RCAN3: variants seen among roughly 807,000 people sequenced by gnomAD.
RCAN3 encodes regulator of calcineurin 3.
Under a neutral mutation model 21.9 loss-of-function variants are expected in RCAN3, and 19 were observed. The observed-to-expected ratio is 0.87, with a 90% CI of 0.61 to 1.27. The LOEUF (loss-of-function observed/expected upper bound fraction) is 1.27, where lower values mean the gene tolerates loss of function less well. RCAN3 is among the 50% of genes most tolerant of loss of function. The pLI is 0.00. For synonymous variants in RCAN3, 114 were observed against 112.3 expected, an observed-to-expected ratio of 1.01 and a Z score of -0.09; for missense variants, 240 against 300.1, an observed-to-expected ratio of 0.80 and a Z score of 1.48.
At chr1:24,507,853 TC>T (rs1357386486) in intron 1 of RCAN3, 3 of 152,308 alleles carry the variant, frequency 2.0e-5, no homozygotes, top group African/African-American at 7.2e-5. Flanking sequence ...GACGGGGGGA[TC>T]ACCTGACGTC....
At chr1:24,532,425 C>T (rs2148912492) in intron 3 of RCAN3, among the ~76,000 whole-genome samples, 1 of 151,724 alleles carries the variant, frequency 6.6e-6, no homozygotes, top group South Asian at 2.1e-4. Context: ...TAGAGTTTCA[C>T]CATGTTGGCC....
At chr1:24,510,596 CTT>C (rs1647795720) in intron 1 of RCAN3, among the ~76,000 whole-genome samples, 1 of 152,208 alleles carries the variant, frequency 6.6e-6, no homozygotes, top group Non-Finnish European at 1.5e-5. Context: ...CTGGATTAGA[CTT>C]TGGTTTAAGG....
chr1:24,534,859 C>T (rs1650098258), intron 4 of RCAN3, among the ~76,000 whole-genome samples: 1 of 152,136 alleles, frequency 6.6e-6, no homozygotes, highest in South Asian at 2.1e-4. Flanking sequence ...CAATAATTAG[C>T]ATTTGCATTT....
rs1006312074 is a variant in RCAN3 at position 24,536,552 on chromosome 1, G to C, written c.*1275G>C. On this transcript the variant is annotated 3_prime_UTR_variant, in exon 5 of 5. Transcript: ENST00000374395. ...GTAGAAAAGTCTCATAACTGAGAAG[G>C]CTCTGTTTTGGGCCGGGTGGGTCTG... 1 of 152,194 alleles carries C rather than the reference G, an allele frequency of 6.6e-6. No homozygotes were observed. The highest frequency in any genetic ancestry group is 2.4e-5 in the African/African-American group (1 of 41,432). The allele number at this position is 152,194 out of a possible 1,614,324, so 9.4% of individuals were successfully genotyped here.
intron 1 of RCAN3, among the ~76,000 whole-genome samples, chr1:24,513,934 T>G (rs1483762277): frequency 6.6e-6 from 1 of 152,230 alleles, no homozygotes; most frequent in African/African-American, 2.4e-5. Context: ...GTTACAGTGT[T>G]GTAGATGGAA....
At position 24,535,507 on chromosome 1, in the gene RCAN3, C is replaced by T. The variant is rs781601636; in HGVS notation, c.*230C>T. The T allele has an allele frequency of 1.2e-5, 5 of 410,646 alleles. No individual in the cohort carries two copies. Among genetic ancestry groups the T allele is most frequent in the Non-Finnish European group, 2.1e-5 (5 of 240,242 alleles). 25.4% of individuals were successfully genotyped at this position (410,646 alleles called of 1,614,324 possible). On this transcript the variant is annotated 3_prime_UTR_variant, in exon 5 of 5. Transcript: ENST00000374395. ...AAGGGACTTTACATTAAAGGAGAAGCCCCCAAGATGTGGCCACCCTTAACC... is the reference window on the plus strand; with the variant it reads ...AAGGGACTTTACATTAAAGGAGAAGTCCCCAAGATGTGGCCACCCTTAACC...
rs1650443189 is a variant in RCAN3, at chr1:24,540,627, GT to G, written c.*5351del. 6.6e-6 allele frequency: 1 copy of G among 152,072 alleles called. No homozygotes were observed. Among genetic ancestry groups the G allele is most frequent in the Non-Finnish European group, 1.5e-5 (1 of 68,030 alleles). The allele number at this position is 152,072 out of a possible 1,614,324, so 9.4% of individuals were successfully genotyped here. ...GATTGACGGTTCTGCTATAATGTGC[GT>G]GCCCTTCAAGTTTCAGAAAACTTTC... On this transcript the variant is annotated 3_prime_UTR_variant, in exon 5 of 5. Transcript: ENST00000374395.
chr1:24,504,810 A>C (rs898031745), intron 1 of RCAN3, among the ~76,000 whole-genome samples: 2 of 152,240 alleles, frequency 1.3e-5, no homozygotes, highest in African/African-American at 4.8e-5. Flanking sequence ...AAAAGAAATT[A>C]TACACAGCAC....
chr1:24,524,829 T>G (rs1379653901), intron 2 of RCAN3, among the ~76,000 whole-genome samples: 2 of 28,446 alleles, frequency 7.0e-5, no homozygotes, highest in Admixed American at 4.8e-4. Context: ...TTTTCTTTTG[T>G]TTTTTTTTTT....
rs140864251 is a variant in RCAN3, at chr1:24,512,882, T to C, written c.-59-1432T>C. On this transcript the variant is annotated intron_variant, in intron 1 of 4. Transcript: ENST00000374395. ...CTATGAGAGACAGATTCTGTCCTGT[T>C]ATTCCACCCAGGGACACTGTCAGCT... Among the ~76,000 whole-genome samples, 18 of 152,324 alleles carry C rather than the reference T, an allele frequency of 1.2e-4. No individual in the cohort carries two copies. In the East Asian group the frequency reaches 3.5e-3, roughly 29 times the overall value.
rs1268368981 is a variant in RCAN3, at chr1:24,539,317, G to C, written c.*4040G>C. 6.6e-6 allele frequency: 1 copy of C among 151,998 alleles called. No individual in the cohort carries two copies. The highest frequency in any genetic ancestry group is 2.4e-5 in the African/African-American group (1 of 41,388). The allele number at this position is 151,998 out of a possible 1,614,324, so 9.4% of individuals were successfully genotyped here. A position where few individuals can be genotyped will look rare whatever the true frequency, so the allele number is the denominator to read the frequency against. ...ATAAGAAAAATCTCATCATTCGATGGAAGAGGTGACTTAATAATTTTATTA... is the reference window on the plus strand; with the variant it reads ...ATAAGAAAAATCTCATCATTCGATGCAAGAGGTGACTTAATAATTTTATTA... On this transcript the variant is annotated 3_prime_UTR_variant, in exon 5 of 5. Coordinates refer to ENST00000374395, the MANE Select transcript of RCAN3 (RefSeq NM_013441.4).
chr1:24,534,985 A>G, intron 4 of RCAN3, 108 bp from the exon 5 acceptor site: 4 of 1,012,862 alleles, frequency 3.9e-6, no homozygotes, highest in Non-Finnish European at 5.7e-6. Flanking sequence ...TTTAAAGAAC[A>G]AGAATCACCC....
At chr1:24,504,606 G>A (rs563648284) in intron 1 of RCAN3, among the ~76,000 whole-genome samples, 1 of 152,324 alleles carries the variant, frequency 6.6e-6, no homozygotes, top group East Asian at 1.9e-4. Context: ...GATTTTATAT[G>A]GTGTTAGAGT....
chr1:24,510,520 CTT>C (rs1235446825), intron 1 of RCAN3, among the ~76,000 whole-genome samples: 4 of 152,236 alleles, frequency 2.6e-5, no homozygotes, highest in African/African-American at 9.6e-5. Flanking sequence ...TAGCTTCAGA[CTT>C]TTCTTCTTCA....
In RCAN3 at chr1:24,514,332, C is replaced by T. The variant is rs1648121303; in HGVS notation, c.-41C>T. ...TTAACAGTGGGTGCCTGATAGACATCCTAGGACTATACAGAAGGAAAAGGC... is the reference window on the plus strand; with the variant it reads ...TTAACAGTGGGTGCCTGATAGACATTCTAGGACTATACAGAAGGAAAAGGC... On this transcript the variant is annotated 5_prime_UTR_variant, in exon 2 of 5. Coordinates refer to ENST00000374395, the MANE Select transcript of RCAN3 (RefSeq NM_013441.4). 6.4e-7 allele frequency: 1 copy of T among 1,556,410 alleles called. No homozygotes were observed. Among genetic ancestry groups the T allele is most frequent in the South Asian group, 1.2e-5 (1 of 82,044 alleles).
At chr1:24,520,004 A>G (rs924141023) in intron 2 of RCAN3, among the ~76,000 whole-genome samples, 26 of 152,232 alleles carry the variant, frequency 1.7e-4, no homozygotes, top group African/African-American at 5.3e-4. Context: ...AAAGTAAATG[A>G]TATTTGGAAG....
At chr1:24,513,900 T>C (rs1403579386) in intron 1 of RCAN3, among the ~76,000 whole-genome samples, 2 of 152,206 alleles carry the variant, frequency 1.3e-5, no homozygotes, top group African/African-American at 2.4e-5. Flanking sequence ...AGAGAATTAG[T>C]GTGGGTTGTA....
chr1:24,510,673 T>G (rs1647801661), intron 1 of RCAN3, among the ~76,000 whole-genome samples: 1 of 152,246 alleles, frequency 6.6e-6, no homozygotes, highest in African/African-American at 2.4e-5. Flanking sequence ...GCGATAAGTC[T>G]GTTTTTGCCT....
intron 2 of RCAN3, among the ~76,000 whole-genome samples, chr1:24,524,914 C>T (rs1359463534): frequency 6.7e-6 from 1 of 149,512 alleles, no homozygotes; most frequent in East Asian, 2.0e-4. Context: ...TCTGCAACCT[C>T]CGCCTCCCAG....
Sources: allele counts gnomAD v4.1 joint callset (sites outside exome capture counted in the v4.1 genomes callset), GRCh38; gene constraint gnomAD v4.1.1; transcripts MANE v1.5; gene names NCBI Gene and HGNC (gene_info 2026-07-23, HGNC 2026-07-21).